FUBP3: variants seen among roughly 807,000 people sequenced by gnomAD.
FUBP3 encodes far upstream element binding protein 3.
Under a neutral mutation model 85.6 loss-of-function variants are expected in FUBP3, and 28 were observed. The observed-to-expected ratio is 0.33, with a 90% CI of 0.24 to 0.45. The LOEUF (loss-of-function observed/expected upper bound fraction) is 0.45, where lower values mean the gene tolerates loss of function less well. FUBP3 is among the 20% of genes least tolerant of loss of function. FUBP3 has a pLI of 1.00. For missense variants in FUBP3, 583 were observed against 755.1 expected, an observed-to-expected ratio of 0.77 and a Z score of 2.67; for synonymous variants, 271 against 271.4, an observed-to-expected ratio of 1.00 and a Z score of 0.01.
intron 1 of FUBP3, among the ~76,000 whole-genome samples, chr9:130,588,443 T>G (rs1830445662): frequency 6.6e-6 from 1 of 152,192 alleles, no homozygotes; most frequent in Non-Finnish European, 1.5e-5. Context: ...AGGTGCTAGT[T>G]ACATAGGTAT....
chr9:130,631,869 C>G, intron 14 of FUBP3, 73 bp from the exon 15 acceptor site: 5 of 1,155,968 alleles, frequency 4.3e-6, no homozygotes, highest in Non-Finnish European at 6.5e-6. Context: ...CCTCAGTGCC[C>G]TGGGGCTGCG....
At chr9:130,599,637 G>A (rs938156954) in intron 2 of FUBP3, among the ~76,000 whole-genome samples, 34 of 152,066 alleles carry the variant, frequency 2.2e-4, no homozygotes, top group African/African-American at 7.7e-4. Context: ...TCCAGCTTTG[G>A]ATCAGGCCAT....
chr9:130,622,388 T>C (rs1429990064), intron 9 of FUBP3, among the ~76,000 whole-genome samples: 2 of 150,766 alleles, frequency 1.3e-5, no homozygotes, highest in Admixed American at 1.3e-4. Flanking sequence ...TCCCAGCCCT[T>C]TGGGAGGCCG....
At chr9:130,589,968 A>C (rs1289827756) in intron 1 of FUBP3, among the ~76,000 whole-genome samples, 1 of 138,312 alleles carries the variant, frequency 7.2e-6, no homozygotes, top group Non-Finnish European at 1.5e-5. Context: ...CTCCTACCCC[A>C]GCCTTCCAAG....
rs879021047 is a variant in FUBP3 at position 130,616,220 on chromosome 9, G to T, written c.405-135G>T. 47 of 749,808 alleles carry T rather than the reference G, an allele frequency of 6.3e-5. No homozygotes were observed. Among genetic ancestry groups the T allele is most frequent in the Admixed American group, 5.1e-4 (19 of 37,346 alleles). The allele number at this position is 749,808 out of a possible 1,614,324, so 46.4% of individuals were successfully genotyped here. ...GATGGCAGAGAGACCTCCGGGTTGT[G>T]GGGGCAGGAGCTGGAGCTGGATGGA... On this transcript the variant is annotated intron_variant, in intron 6 of 18. Transcript: ENST00000319725. This position sits in a 1 kb window ranked among gnomAD's most constrained non-coding sequence, Gnocchi z 4.7.
chr9:130,613,913 T>C (rs1831873308), intron 5 of FUBP3, among the ~76,000 whole-genome samples: 1 of 152,226 alleles, frequency 6.6e-6, no homozygotes, highest in South Asian at 2.1e-4. Context: ...GAGTACTAGT[T>C]TACTTGCCGT....
intron 14 of FUBP3, 95 bp downstream of exon 14, chr9:130,631,725 G>A (rs1830218509): frequency 1.9e-6 from 2 of 1,066,058 alleles, no homozygotes; most frequent in African/African-American, 3.1e-5. Flanking sequence ...GCCAGCCAAG[G>A]CCTGAAGTTC....
chr9:130,632,308 C>G, intron 16 of FUBP3, 30 bp downstream of exon 16: 1 of 1,557,706 alleles, frequency 6.4e-7, no homozygotes, highest in South Asian at 1.1e-5. Context: ...GAGTGCATGC[C>G]CTCCAGAAAG....
intron 3 of FUBP3, among the ~76,000 whole-genome samples, chr9:130,611,734 T>G (rs1281360434): frequency 2.0e-5 from 3 of 151,712 alleles, no homozygotes; most frequent in South Asian, 4.2e-4. Flanking sequence ...TTGGGCAAAT[T>G]GGACATTGTC....
chr9:130,584,388 T>C (rs7855634), intron 1 of FUBP3, among the ~76,000 whole-genome samples: 107,209 of 151,022 alleles, frequency 0.71, 39,029 homozygotes, highest in East Asian at 0.93. Flanking sequence ...ATTAGCTGGG[T>C]GTGGTGGCAG....
intron 1 of FUBP3, among the ~76,000 whole-genome samples, chr9:130,589,675 G>GTATATATATATATATATA (rs1170568300): frequency 4.1e-4 from 14 of 34,278 alleles, no homozygotes; most frequent in African/African-American, 9.3e-4. Context: ...GTATGTGTGT[G>GTATATATATATATATATA]TATATATATA....
At chr9:130,609,365 G>C (rs1375588506) in intron 2 of FUBP3, among the ~76,000 whole-genome samples, 3 of 151,378 alleles carry the variant, frequency 2.0e-5, no homozygotes, top group African/African-American at 7.3e-5. Context: ...CACATGGACT[G>C]CTCTGGTGGG....
chr9:130,599,835 C>A (rs1831064192), intron 2 of FUBP3, among the ~76,000 whole-genome samples: 1 of 152,148 alleles, frequency 6.6e-6, no homozygotes, highest in African/African-American at 2.4e-5. Context: ...TTCATTCCTC[C>A]AGTAACCAGG....
chr9:130,579,738 G>A lies in FUBP3; in HGVS notation c.58G>A (p.Val20Met), dbSNP rs761654908. 3.9e-6 allele frequency: 5 copies of A among 1,280,934 alleles called. No homozygotes were observed. Among genetic ancestry groups the A allele is most frequent in the Admixed American group, 6.8e-5 (2 of 29,366 alleles). 79.3% of individuals were successfully genotyped at this position (1,280,934 alleles called of 1,614,324 possible). A position where few individuals can be genotyped will look rare whatever the true frequency, so the allele number is the denominator to read the frequency against. ...TGTGGGGATGAAGGCCGAGGGCTTC[G>A]TGGATGCCCTGCACCGGGTCCGGCA... ...APVGMKAEGF[V>M]DALHRVRQIA... is the part of the protein sequence containing the mutation. The change falls in exon 1 of 19, where the codon GTG becomes ATG. Residue 20 changes from valine (V) to methionine (M), a missense_variant. Transcript: ENST00000319725.
At position 130,626,429 on chromosome 9, in the gene FUBP3, C is replaced by T. The variant is rs374714344; in HGVS notation, c.1041C>T (p.Ser347=). 6.9e-5 allele frequency: 111 copies of T among 1,613,884 alleles called. 1 individual carries two copies. Among genetic ancestry groups the T allele is most frequent in the Non-Finnish European group, 8.7e-5 (103 of 1,179,936 alleles). The change falls in exon 12 of 19, where the codon AGC becomes AGT. Residue 347 remains serine, a synonymous_variant. Coordinates refer to ENST00000319725, the MANE Select transcript of FUBP3 (RefSeq NM_003934.2). The part of the protein sequence containing the change: ...RGRGRGRGDW[S]VGAPGGVQEI... ...GAGGTCGTGGCCGTGGCGACTGGAGCGTGGGAGCCCCTGGTGGCGTCCAGG... is the reference window on the plus strand; with the variant it reads ...GAGGTCGTGGCCGTGGCGACTGGAGTGTGGGAGCCCCTGGTGGCGTCCAGG...
chr9:130,595,660 AT>A, intron 2 of FUBP3, 72 bp downstream of exon 2: 2 of 781,124 alleles, frequency 2.6e-6, no homozygotes, highest in South Asian at 2.7e-5. Flanking sequence ...TTTGTCAGCC[AT>A]TACCTTAACG....
At position 130,636,501 on chromosome 9, in the gene FUBP3, G is replaced by T. The variant is rs140532155; in HGVS notation, c.1710+375G>T. On this transcript the variant is annotated intron_variant, in intron 18 of 18. Coordinates refer to ENST00000319725, the MANE Select transcript of FUBP3 (RefSeq NM_003934.2). ...GTGCGCTCCGGCGACTGCTCTCGAG[G>T]AGGGTGGAGTGGCCAGGCCGTCAGC... is the stretch of plus-strand genomic sequence containing the variant. Among the ~76,000 whole-genome samples the T allele has an allele frequency of 2.9e-3, 447 of 152,386 alleles. 5 individuals carry two copies. Among genetic ancestry groups the T allele is most frequent in the African/African-American group, 9.9e-3 (413 of 41,604 alleles).
chr9:130,625,737 G>A (rs1197564606), intron 11 of FUBP3, among the ~76,000 whole-genome samples: 2 of 152,216 alleles, frequency 1.3e-5, no homozygotes, highest in Non-Finnish European at 2.9e-5. Context: ...GCCCCACATG[G>A]GGAGGAGGCC....
chr9:130,589,126 AGTT>A (rs1830475096), intron 1 of FUBP3, among the ~76,000 whole-genome samples: 1 of 152,060 alleles, frequency 6.6e-6, no homozygotes, highest in South Asian at 2.1e-4. Context: ...GTAAGTATGA[AGTT>A]GTGGGGCTAT....
Sources: allele counts gnomAD v4.1 joint callset (sites outside exome capture counted in the v4.1 genomes callset), GRCh38; gene constraint gnomAD v4.1.1; non-coding constraint Gnocchi (gnomAD v3.1); transcripts MANE v1.5; gene names NCBI Gene and HGNC (gene_info 2026-07-23, HGNC 2026-07-21).